ADGRL2: variants seen among roughly 807,000 people sequenced by gnomAD.
ADGRL2 encodes adhesion G protein-coupled receptor L2, also known as calcium-independent alpha-latrotoxin receptor 2.
In ADGRL2, 44 loss-of-function variants were observed where a neutral mutation model predicts 157.4. That is an observed-to-expected ratio of 0.28 (90% CI 0.22 to 0.36). ADGRL2 has a LOEUF of 0.36. Ranked by LOEUF, ADGRL2 falls within the 10% of genes least tolerant of loss-of-function variation. The pLI is 1.00. For missense variants in ADGRL2, 1,510 were observed against 1,768.9 expected (o/e 0.85, Z 2.63); for synonymous variants, 585 against 624.7 (o/e 0.94, Z 0.95).
intron 1 of ADGRL2, among the ~76,000 whole-genome samples, chr1:81,801,818 G>T (rs1406660909): frequency 2.0e-5 from 3 of 152,200 alleles, no homozygotes; most frequent in African/African-American, 7.2e-5. Flanking sequence ...GGACTCCCAA[G>T]TCTGCGCACC....
chr1:81,543,630 C>A (rs1425112913), intron 2 of ADGRL2, among the ~76,000 whole-genome samples: 2 of 152,198 alleles, frequency 1.3e-5, no homozygotes, highest in African/African-American at 4.8e-5. Context: ...TGGGTTACTA[C>A]GATAGCCTTC....
chr1:81,703,792 T>C (rs2083647508), intron 1 of ADGRL2, among the ~76,000 whole-genome samples: 1 of 152,218 alleles, frequency 6.6e-6, no homozygotes, highest in African/African-American at 2.4e-5. Context: ...GGACTTAGGA[T>C]TACCTAACAG....
At chr1:81,873,128 G>C (rs1320774485) in intron 2 of ADGRL2, among the ~76,000 whole-genome samples, 1 of 152,082 alleles carries the variant, frequency 6.6e-6, no homozygotes, top group Non-Finnish European at 1.5e-5. Flanking sequence ...CTATTTCCAA[G>C]ATGGTATAGA....
At chr1:81,607,366 T>G (rs1298516887) in intron 3 of ADGRL2, among the ~76,000 whole-genome samples, 1 of 152,240 alleles carries the variant, frequency 6.6e-6, no homozygotes, top group Non-Finnish European at 1.5e-5. Flanking sequence ...ATGGAATTTT[T>G]AATCTAGTGG....
chr1:81,981,002 T>C lies in ADGRL2; in HGVS notation c.3114-806T>C, dbSNP rs1156821616. ...TGCCTTTATTTTTTAATTGCTTGCC[T>C]CTGCATTTTGACTTTCTTAATTTTG... On this transcript the variant is annotated intron_variant, in intron 18 of 23. Transcript: ENST00000686636. 1.7e-5 allele frequency: 7 copies of C among 422,612 alleles called. No homozygotes were observed. The East Asian group carries it at 2.5e-4, about 15-fold the overall frequency. The allele number at this position is 422,612 out of a possible 1,614,324, so 26.2% of individuals were successfully genotyped here. A position where few individuals can be genotyped will look rare whatever the true frequency, so the allele number is the denominator to read the frequency against.
chr1:81,436,815 A>T (rs1449002032), intron 1 of ADGRL2, among the ~76,000 whole-genome samples: 1 of 152,252 alleles, frequency 6.6e-6, no homozygotes, highest in Non-Finnish European at 1.5e-5. Context: ...GGATCCAATT[A>T]TATAGGGCTT....
intron 1 of ADGRL2, among the ~76,000 whole-genome samples, chr1:81,369,980 G>A (rs1246969249): frequency 1.3e-5 from 2 of 152,070 alleles, no homozygotes; most frequent in East Asian, 3.9e-4. Flanking sequence ...ACAGAGTGAT[G>A]TCATCAGTTA....
intron 1 of ADGRL2, among the ~76,000 whole-genome samples, chr1:81,715,210 T>C (rs1353407532): frequency 6.6e-6 from 1 of 151,508 alleles, no homozygotes; most frequent in African/African-American, 2.4e-5. Flanking sequence ...AAATAAGTAC[T>C]ATAAGCTTTC....
At chr1:81,780,040 C>G (rs2086750248) in intron 2 of ADGRL2, among the ~76,000 whole-genome samples, 1 of 152,268 alleles carries the variant, frequency 6.6e-6, no homozygotes, top group East Asian at 1.9e-4. Context: ...TTCCTTCTGA[C>G]CAGAAAGTCT....
intron 18 of ADGRL2, chr1:81,980,712 G>A: frequency 1.8e-6 from 1 of 560,084 alleles, no homozygotes; most frequent in Middle Eastern, 2.8e-4. Context: ...TTCATTGCAT[G>A]TTGCATGGTA....
chr1:81,323,411 ATTTTTTT>A (rs138358062), intron 1 of ADGRL2, among the ~76,000 whole-genome samples: 9 of 109,744 alleles, frequency 8.2e-5, no homozygotes, highest in African/African-American at 1.8e-4. Flanking sequence ...GACTAATTCA[ATTTTTTT>A]TTTTTTTTTT....
intron 1 of ADGRL2, among the ~76,000 whole-genome samples, chr1:81,835,766 G>C (rs947018224): frequency 1.3e-5 from 2 of 152,082 alleles, no homozygotes; most frequent in East Asian, 3.9e-4. Flanking sequence ...CTGGGTCATA[G>C]AGGGATCCTT....
At chr1:81,965,957 A>C in intron 11 of ADGRL2, 101 bp from the exon 12 acceptor site, 1 of 1,238,278 alleles carries the variant, frequency 8.1e-7, no homozygotes, top group East Asian at 2.4e-5. Flanking sequence ...TTAAGTAGGC[A>C]AAAAGAAAAC....
At chr1:81,788,488 A>G (rs564411985) in intron 2 of ADGRL2, among the ~76,000 whole-genome samples, 2 of 152,324 alleles carry the variant, frequency 1.3e-5, no homozygotes, top group South Asian at 2.1e-4. Context: ...CAGCAGAAAC[A>G]GATGCCAGCA....
At chr1:81,622,425 A>G (rs1301300517) in intron 3 of ADGRL2, among the ~76,000 whole-genome samples, 1 of 152,084 alleles carries the variant, frequency 6.6e-6, no homozygotes, top group African/African-American at 2.4e-5. Flanking sequence ...TACTAAAAAT[A>G]CAAAAATTAG....
intron 2 of ADGRL2, among the ~76,000 whole-genome samples, chr1:81,461,455 T>C (rs1298253538): frequency 6.6e-6 from 1 of 152,152 alleles, no homozygotes; most frequent in Non-Finnish European, 1.5e-5. Flanking sequence ...TCAGATATCA[T>C]AGAGTGTCAG....
At chr1:81,333,599 T>G (rs1214397551) in intron 1 of ADGRL2, among the ~76,000 whole-genome samples, 1 of 151,858 alleles carries the variant, frequency 6.6e-6, no homozygotes, top group Non-Finnish European at 1.5e-5. Context: ...GTATTTTTAG[T>G]AGAGACAGGT....
At chr1:81,591,327 C>A (rs1284255766) in intron 3 of ADGRL2, among the ~76,000 whole-genome samples, 1 of 152,078 alleles carries the variant, frequency 6.6e-6, no homozygotes, top group East Asian at 1.9e-4. Flanking sequence ...TTTTCAGAGT[C>A]CTAAATTTTG....
At chr1:81,819,243 G>A (rs969087725) in intron 1 of ADGRL2, among the ~76,000 whole-genome samples, 2 of 152,060 alleles carry the variant, frequency 1.3e-5, no homozygotes, top group East Asian at 1.9e-4. Flanking sequence ...TGTAATGGTG[G>A]GTTAGAATTT....
Sources: gnomAD v4.1 joint callset for allele counts (sites outside exome capture counted in the v4.1 genomes callset) on GRCh38, gnomAD v4.1.1 for gene constraint, MANE v1.5 for transcripts, NCBI Gene and HGNC (gene_info 2026-07-23, HGNC 2026-07-21) for gene names.